DACH2: variants seen among roughly 807,000 people sequenced by gnomAD.
DACH2 encodes the protein dachshund family transcription factor 2.
In DACH2, 17 loss-of-function variants were observed where a neutral mutation model predicts 35.8. That is an observed-to-expected ratio of 0.48 (90% CI 0.33 to 0.71). DACH2 has a LOEUF of 0.71. DACH2 is among the 30% of genes least tolerant of loss of function. The pLI is 0.02. For missense variants in DACH2, 469 were observed against 472.7 expected, an observed-to-expected ratio of 0.99 and a Z score of 0.07; for synonymous variants, 195 against 177.3, an observed-to-expected ratio of 1.10 and a Z score of -0.79.
At chrX:86,697,369 C>T (rs1487191893) in intron 5 of DACH2, among the ~76,000 whole-genome samples, 1 of 110,919 alleles carries the variant, frequency 9.0e-6, no homozygotes, top group Admixed American at 9.7e-5. Flanking sequence ...GGTCGAGCAA[C>T]CATTTATGAT....
rs187174575 is a variant in DACH2, at chrX:86,225,408, A to T, written c.488+76300A>T. Reference sequence around the variant, plus strand: ...CTTAGGATTTTTGTATTTCAAATTTATCCTGGGAATTACCTAGTTTTAGAA... The same window carrying T: ...CTTAGGATTTTTGTATTTCAAATTTTTCCTGGGAATTACCTAGTTTTAGAA... On this transcript the variant is annotated intron_variant, in intron 1 of 11. Transcript: ENST00000373125. 1.4e-3 allele frequency among the ~76,000 whole-genome samples: 153 copies of T among 111,356 alleles called. 2 individuals are homozygous for T. The East Asian group carries it at 0.04, about 29-fold the overall frequency.
intron 3 of DACH2, among the ~76,000 whole-genome samples, chrX:86,630,740 G>T (rs1305214513): frequency 2.7e-5 from 3 of 109,447 alleles, no homozygotes; most frequent in African/African-American, 1.0e-4. Flanking sequence ...GCCCAGGCTG[G>T]AGTGCAGTGG....
intron 3 of DACH2, among the ~76,000 whole-genome samples, chrX:86,601,647 GGTA>G (rs757398646): frequency 1.7e-4 from 19 of 111,890 alleles, no homozygotes; most frequent in Admixed American, 4.7e-4. Flanking sequence ...CTGCTAATGA[GGTA>G]GTAGTTATCT....
intron 1 of DACH2, among the ~76,000 whole-genome samples, chrX:86,274,692 G>A (rs1469668393): frequency 9.2e-6 from 1 of 108,164 alleles, no homozygotes; most frequent in Non-Finnish European, 1.9e-5. Flanking sequence ...TAGAGACGGG[G>A]TTTCACCGTG....
At chrX:86,827,365 A>G (rs1451389202) in intron 11 of DACH2, among the ~76,000 whole-genome samples, 1 of 111,365 alleles carries the variant, frequency 9.0e-6, no homozygotes, top group East Asian at 2.8e-4. Context: ...TAAGCTAGTT[A>G]CGCATTTTGC....
intron 5 of DACH2, among the ~76,000 whole-genome samples, chrX:86,698,922 A>G (rs949285955): frequency 1.3e-4 from 14 of 110,723 alleles, no homozygotes; most frequent in Non-Finnish European, 2.6e-4. Context: ...CTTATATCAG[A>G]TAAAACAGAC....
intron 1 of DACH2, among the ~76,000 whole-genome samples, chrX:86,208,453 T>C (rs1204873346): frequency 9.0e-6 from 1 of 111,617 alleles, no homozygotes; most frequent in Non-Finnish European, 1.9e-5. Context: ...CTGTAAAATA[T>C]GGTAATAATA....
intron 3 of DACH2, among the ~76,000 whole-genome samples, chrX:86,649,420 A>G (rs922797778): frequency 2.0e-4 from 22 of 111,144 alleles, no homozygotes; most frequent in African/African-American, 6.2e-4. Context: ...GCACCCAGTC[A>G]TGGTGATCCT....
At chrX:86,474,670 G>A (rs2037813581) in intron 2 of DACH2, among the ~76,000 whole-genome samples, 1 of 112,001 alleles carries the variant, frequency 8.9e-6, no homozygotes, top group South Asian at 3.7e-4. Flanking sequence ...CACTGTGTGT[G>A]TGGAGTTGTT....
intron 3 of DACH2, among the ~76,000 whole-genome samples, chrX:86,608,661 G>A (rs1209970169): frequency 9.0e-6 from 1 of 111,277 alleles, no homozygotes; most frequent in Admixed American, 9.5e-5. Context: ...GGTTTTGTTT[G>A]TCTCGGATAG....
chrX:86,241,700 C>A (rs189225113), intron 1 of DACH2, among the ~76,000 whole-genome samples: 1,409 of 112,383 alleles, frequency 0.013, 21 homozygotes, highest in African/African-American at 0.043. Flanking sequence ...GTCACAGCAG[C>A]CCCTCCCATC....
intron 5 of DACH2, among the ~76,000 whole-genome samples, chrX:86,713,675 A>G (rs1354764794): frequency 7.2e-5 from 8 of 111,731 alleles, no homozygotes; most frequent in Admixed American, 9.6e-5. Context: ...GTTCACATCC[A>G]TGAAGCTAGA....
intron 1 of DACH2, among the ~76,000 whole-genome samples, chrX:86,283,844 C>A (rs745864473): frequency 1.4e-3 from 146 of 104,600 alleles, no homozygotes; most frequent in African/African-American, 4.9e-3. Flanking sequence ...GCATGTTCTG[C>A]ACATGTATCC....
chrX:86,752,960 ATAAG>A lies in DACH2; in HGVS notation c.1240+13084_1240+13087del, dbSNP rs755518086. On this transcript the variant is annotated intron_variant, in intron 7 of 11. Transcript: ENST00000373125. ...AGAGATTATTAATATAGAATTAGCA[ATAAG>A]TAAGTTTATATTATTTGAGCTCTCA... 9.0e-5 allele frequency among the ~76,000 whole-genome samples: 10 copies of A among 111,179 alleles called. No individual in the cohort carries two copies. In the South Asian group the frequency reaches 2.3e-3, roughly 25 times the overall value.
chrX:86,692,767 G>C (rs777334354), intron 4 of DACH2, among the ~76,000 whole-genome samples: 4 of 111,717 alleles, frequency 3.6e-5, no homozygotes, highest in African/African-American at 1.3e-4. Context: ...CTGCAATGGT[G>C]AGGTAATTCA....
chrX:86,347,672 A>G (rs1206455469), intron 1 of DACH2, among the ~76,000 whole-genome samples: 1 of 112,830 alleles, frequency 8.9e-6, no homozygotes, highest in Non-Finnish European at 1.9e-5. Flanking sequence ...TTTAAAAAGT[A>G]CATTTCTTTG....
intron 2 of DACH2, among the ~76,000 whole-genome samples, chrX:86,382,364 C>T (rs191628900): frequency 2.0e-4 from 22 of 108,116 alleles, no homozygotes; most frequent in African/African-American, 6.4e-4. Flanking sequence ...GAGTTAGAAA[C>T]CAAACTGTCT....
chrX:86,204,230 A>T (rs2032227832), intron 1 of DACH2, among the ~76,000 whole-genome samples: 1 of 111,930 alleles, frequency 8.9e-6, no homozygotes, highest in African/African-American at 3.2e-5. Context: ...CTCTCCTCAG[A>T]ACCTAGAACC....
At chrX:86,167,751 T>C (rs3952858) in intron 1 of DACH2, among the ~76,000 whole-genome samples, 9,158 of 111,068 alleles carry the variant, frequency 0.082, 333 homozygotes, top group East Asian at 0.21. Flanking sequence ...GTTCTATTAT[T>C]TGTTTCAGTA....
Sources: allele counts gnomAD v4.1 joint callset (sites outside exome capture counted in the v4.1 genomes callset), GRCh38; gene constraint gnomAD v4.1.1; transcripts MANE v1.5; gene names NCBI Gene and HGNC (gene_info 2026-07-23, HGNC 2026-07-21).